The following LMX1A variants were observed in gnomAD, a reference collection of about 807,000 sequenced individuals.
LMX1A encodes the protein LIM homeobox transcription factor 1 alpha, also known as LIM homeobox transcription factor 1-alpha.
LMX1A carries 15 observed loss-of-function variants against 49.1 expected under a neutral mutation model. The ratio of observed to expected loss-of-function variants is 0.31; its 90% CI spans 0.20 to 0.47. LMX1A has a LOEUF of 0.47. LMX1A is among the 20% of genes least tolerant of loss of function. LMX1A has a pLI of 1.00. For synonymous variants in LMX1A, 167 were observed against 185.7 expected, an observed-to-expected ratio of 0.90 and a Z score of 0.82; for missense variants, 372 against 475.8, an observed-to-expected ratio of 0.78 and a Z score of 2.03.
chr1:165,351,045 C>G (rs1433583290), intron 3 of LMX1A, among the ~76,000 whole-genome samples: 1 of 152,210 alleles, frequency 6.6e-6, no homozygotes, highest in Non-Finnish European at 1.5e-5. Context: ...ATGGAAGGGA[C>G]ATTGTTGTGT....
intron 3 of LMX1A, among the ~76,000 whole-genome samples, chr1:165,335,086 G>A (rs1183012568): frequency 1.3e-5 from 2 of 152,172 alleles, no homozygotes; most frequent in African/African-American, 4.8e-5. Context: ...ATGTAAATTA[G>A]TTTGGGTTCT....
intron 5 of LMX1A, among the ~76,000 whole-genome samples, chr1:165,212,309 A>G (rs1345445787): frequency 6.6e-6 from 1 of 152,062 alleles, no homozygotes; most frequent in African/African-American, 2.4e-5. Context: ...GAGATTTTCG[A>G]TGGGCTTCCC....
At chr1:165,292,075 A>AC (rs1654491177) in intron 3 of LMX1A, among the ~76,000 whole-genome samples, 1 of 150,782 alleles carries the variant, frequency 6.6e-6, no homozygotes, top group Non-Finnish European at 1.5e-5. Context: ...AAAAAAAAAA[A>AC]AAAAAAAAAA....
intron 4 of LMX1A, among the ~76,000 whole-genome samples, chr1:165,242,263 C>T (rs905717337): frequency 2.6e-5 from 4 of 152,096 alleles, no homozygotes; most frequent in East Asian, 1.9e-4. Context: ...GGAACTGCTG[C>T]GTTAATCCAA....
chr1:165,204,849 C>G (rs1651008480), intron 8 of LMX1A, among the ~76,000 whole-genome samples: 1 of 152,252 alleles, frequency 6.6e-6, no homozygotes, highest in African/African-American at 2.4e-5. Flanking sequence ...CAGATGTGAC[C>G]TGTGCCTTCT....
At chr1:165,343,973 T>G (rs1390874727) in intron 3 of LMX1A, among the ~76,000 whole-genome samples, 1 of 152,208 alleles carries the variant, frequency 6.6e-6, no homozygotes, top group African/African-American at 2.4e-5. Flanking sequence ...TTCTCCCAAT[T>G]TGACAGCTAG....
At chr1:165,349,537 G>A (rs1335104163) in intron 3 of LMX1A, among the ~76,000 whole-genome samples, 1 of 152,118 alleles carries the variant, frequency 6.6e-6, no homozygotes, top group East Asian at 1.9e-4. Flanking sequence ...TTTCCATGTT[G>A]ACATGTCATA....
At chr1:165,255,017 T>C (rs764285412) in intron 3 of LMX1A, among the ~76,000 whole-genome samples, 2 of 152,236 alleles carry the variant, frequency 1.3e-5, no homozygotes, top group Admixed American at 1.3e-4. Flanking sequence ...TTGCAGAGAC[T>C]AAGCACTCAG....
chr1:165,242,472 A>C (rs1652689723), intron 4 of LMX1A, among the ~76,000 whole-genome samples: 1 of 151,826 alleles, frequency 6.6e-6, no homozygotes, highest in Admixed American at 6.6e-5. Flanking sequence ...AAAAGCAAAA[A>C]AAAAAAAGCA....
chr1:165,340,520 A>G (rs973418563), intron 3 of LMX1A, among the ~76,000 whole-genome samples: 2 of 152,194 alleles, frequency 1.3e-5, no homozygotes, highest in African/African-American at 4.8e-5. Flanking sequence ...CTCATTACAG[A>G]ATCTCCCAAA....
At chr1:165,272,031 G>A (rs547512971) in intron 3 of LMX1A, among the ~76,000 whole-genome samples, 214 of 151,994 alleles carry the variant, frequency 1.4e-3, no homozygotes, top group African/African-American at 5.1e-3. Context: ...TTAAGTTTCG[G>A]GGTACATGTG....
In LMX1A at chr1:165,309,177, G is replaced by A. The variant is rs547199333; in HGVS notation, c.263+43899C>T. On this transcript the variant is annotated intron_variant, in intron 3 of 8. Coordinates refer to ENST00000342310, the MANE Select transcript of LMX1A (RefSeq NM_177398.4). ...ACAGAGTGAATGATGCTGAGGGCTC[G>A]CTCCTGGATGCTGAGCGAAGAGCTT... 3.3e-5 allele frequency among the ~76,000 whole-genome samples: 5 copies of A among 151,468 alleles called. No homozygotes were observed. In the South Asian group the frequency reaches 8.4e-4, roughly 25 times the overall value.
chr1:165,280,709 G>C (rs548268214), intron 3 of LMX1A, among the ~76,000 whole-genome samples: 107 of 152,300 alleles, frequency 7.0e-4, no homozygotes, highest in African/African-American at 2.4e-3. Context: ...ATTGCATAGG[G>C]TATAAGACTA....
At chr1:165,206,109 T>C in intron 7 of LMX1A, 75 bp from the exon 8 acceptor site, 1 of 1,350,388 alleles carries the variant, frequency 7.4e-7, no homozygotes, top group South Asian at 1.5e-5. Flanking sequence ...CCTGATTCCC[T>C]CATTTATAAA....
chr1:165,310,664 A>G (rs527758202), intron 3 of LMX1A, among the ~76,000 whole-genome samples: 1 of 152,282 alleles, frequency 6.6e-6, no homozygotes, highest in Non-Finnish European at 1.5e-5. Context: ...TTCCTTCTCC[A>G]CACTCCTTTA....
chr1:165,326,963 T>G (rs1394450), intron 3 of LMX1A, among the ~76,000 whole-genome samples: 131,410 of 152,172 alleles, frequency 0.86, 57,469 homozygotes, highest in East Asian at 0.94. Flanking sequence ...ACAGAACAAA[T>G]AATCATATGG....
rs557065002 is a variant in LMX1A, at chr1:165,259,401, G to A, written c.264-9761C>T. On this transcript the variant is annotated intron_variant, in intron 3 of 8. Transcript: ENST00000342310. ...ATGTTCAGGAAGTTGTCAGCTCCAT[G>A]TTTAGCCAACCAGAGCCAACAGTTG... is the stretch of plus-strand genomic sequence containing the variant. 2.6e-3 allele frequency among the ~76,000 whole-genome samples: 391 copies of A among 152,318 alleles called. 1 individual carries two copies. The highest frequency in any genetic ancestry group is 8.7e-3 in the African/African-American group (362 of 41,566).
intron 3 of LMX1A, among the ~76,000 whole-genome samples, chr1:165,278,141 C>T (rs983276696): frequency 5.3e-5 from 8 of 152,180 alleles, no homozygotes; most frequent in African/African-American, 1.7e-4. Flanking sequence ...TAATAAGTGG[C>T]AGAGCCAGAA....
intron 3 of LMX1A, among the ~76,000 whole-genome samples, chr1:165,304,468 C>T (rs1263127867): frequency 6.6e-6 from 1 of 152,186 alleles, no homozygotes; most frequent in Non-Finnish European, 1.5e-5. Flanking sequence ...CAGGAGCATG[C>T]AGGACTGGTT....
Sources: gnomAD v4.1 joint callset for allele counts (sites outside exome capture counted in the v4.1 genomes callset) on GRCh38, gnomAD v4.1.1 for gene constraint, MANE v1.5 for transcripts, NCBI Gene and HGNC (gene_info 2026-07-23, HGNC 2026-07-21) for gene names.